DOK7: variants seen among roughly 807,000 people sequenced by gnomAD.
DOK7 encodes docking protein 7.
In DOK7, 32 loss-of-function variants were observed where a neutral mutation model predicts 30.7. The ratio of observed to expected loss-of-function variants is 1.04; its 90% confidence interval spans 0.79 to 1.40. The LOEUF (loss-of-function observed/expected upper bound fraction) is 1.40, where lower values mean the gene tolerates loss of function less well. Ranked by LOEUF, DOK7 falls within the 40% of genes most tolerant of loss-of-function variation. The pLI, the probability that DOK7 is intolerant of heterozygous loss-of-function variation, is 0.00. For synonymous variants in DOK7, 447 were observed against 324.1 expected (o/e 1.38, Z -4.07); for missense variants, 1,007 against 699.2 (o/e 1.44, Z -4.97).
intron 5 of DOK7, 144 bp from the exon 6 acceptor site, chr4:3,489,533 T>C: frequency 7.6e-7 from 1 of 1,323,502 alleles, no homozygotes; most frequent in Non-Finnish European, 1.0e-6. Flanking sequence ...GCCTCTGGGA[T>C]GAGGCATCGG....
intron 4 of DOK7, among the ~76,000 whole-genome samples, chr4:3,482,166 G>C (rs28660595): frequency 0.27 from 41,584 of 151,980 alleles, 7,109 homozygotes; most frequent in African/African-American, 0.48. Flanking sequence ...CCCCTCCACC[G>C]CTTACCCTCT....
downstream of DOK7, among the ~76,000 whole-genome samples, chr4:3,495,953 A>G (rs1213415906): frequency 1.3e-5 from 2 of 152,162 alleles, no homozygotes; most frequent in East Asian, 1.9e-4. Context: ...TCTGCCCTTG[A>G]GTCTGGCCTG....
chr4:3,468,915 A>ATGTGTG (rs141567329), intron 2 of DOK7, among the ~76,000 whole-genome samples: 6 of 137,738 alleles, frequency 4.4e-5, no homozygotes, highest in African/African-American at 1.4e-4. Context: ...CTGTGTGTGT[A>ATGTGTG]TGTGTGTATG....
Position 3,494,107 on chromosome 4 carries a change from T to C in DOK7, c.*606T>C, listed in dbSNP as rs1728747483. 2 of 985,844 alleles carry C rather than the reference T, an allele frequency of 2.0e-6. No individual in the cohort carries two copies. The highest frequency in any genetic ancestry group is 9.4e-5 in the South Asian group (2 of 21,310). The allele number at this position is 985,844 out of a possible 1,614,324, so 61.1% of individuals were successfully genotyped here. A position where few individuals can be genotyped will look rare whatever the true frequency, so the allele number is the denominator to read the frequency against. Reference sequence around the variant, plus strand: ...GGTTCTGGGCCCCACTGTTCCCCAGTGAAGCCCTTGTGGGAAGGTTCCGGG... The same window carrying C: ...GGTTCTGGGCCCCACTGTTCCCCAGCGAAGCCCTTGTGGGAAGGTTCCGGG... On this transcript the variant is annotated 3_prime_UTR_variant, in exon 7 of 7. Transcript: ENST00000340083.
intron 4 of DOK7, 37 bp downstream of exon 4, chr4:3,476,579 G>A (rs1347598487): frequency 6.2e-7 from 1 of 1,611,480 alleles, no homozygotes; most frequent in South Asian, 1.1e-5. Context: ...GGCAGCAGCA[G>A]CACCCCCCAC....
intron 4 of DOK7, among the ~76,000 whole-genome samples, chr4:3,478,607 A>G (rs1727262048): frequency 6.6e-6 from 1 of 152,248 alleles, no homozygotes; most frequent in Non-Finnish European, 1.5e-5. Flanking sequence ...CTGGCCCCAC[A>G]GAACCCGCCT....
chr4:3,489,903 T>C (rs1728090000), intron 6 of DOK7, 107 bp downstream of exon 6: 2 of 1,465,924 alleles, frequency 1.4e-6, no homozygotes, highest in Non-Finnish European at 1.8e-6. Flanking sequence ...CCTCTGCTCA[T>C]TCATTCATTC....
At chr4:3,491,395 TGC>T in intron 6 of DOK7, among the ~76,000 whole-genome samples, 1 of 125,700 alleles carries the variant, frequency 8.0e-6, no homozygotes, top group African/African-American at 2.9e-5. Context: ...CATTCCTTCC[TGC>T]TCACCCCAGC....
intron 6 of DOK7, among the ~76,000 whole-genome samples, chr4:3,490,102 C>G (rs1444467646): frequency 1.7e-5 from 1 of 59,422 alleles, no homozygotes; most frequent in Non-Finnish European, 3.4e-5. Flanking sequence ...TCATTCCTTT[C>G]TTCACCCCCA....
rs1168254985 is a variant in DOK7 at position 3,493,976 on chromosome 4, G to C, written c.*475G>C. 6.1e-6 allele frequency: 6 copies of C among 988,012 alleles called. No individual in the cohort carries two copies. The African/African-American group carries it at 1.1e-4, about 18-fold the overall frequency. 61.2% of individuals were successfully genotyped at this position (988,012 alleles called of 1,614,324 possible). A position where few individuals can be genotyped will look rare whatever the true frequency, so the allele number is the denominator to read the frequency against. On this transcript the variant is annotated 3_prime_UTR_variant, in exon 7 of 7. Transcript: ENST00000340083. ...GCTACCACAGAGGCTCCGGCCACCT[G>C]GGCTCCACCAGCCCAGCCCCCCTGG...
chr4:3,465,686 G>T (rs1034403255), intron 2 of DOK7, among the ~76,000 whole-genome samples: 2 of 152,282 alleles, frequency 1.3e-5, no homozygotes, highest in Admixed American at 1.3e-4. Flanking sequence ...CAGCCACAGC[G>T]CCTGGCATGG....
chr4:3,488,032 T>C (rs540929562), intron 5 of DOK7, among the ~76,000 whole-genome samples: 9 of 152,330 alleles, frequency 5.9e-5, no homozygotes, highest in Non-Finnish European at 1.2e-4. Flanking sequence ...GCAGGCCGTG[T>C]CGGGAGGGAC....
intron 2 of DOK7, among the ~76,000 whole-genome samples, chr4:3,468,847 G>GTC (rs1210997427): frequency 6.6e-6 from 1 of 150,490 alleles, no homozygotes; most frequent in Middle Eastern, 3.4e-3. Context: ...GCGTGTATGT[G>GTC]TGTGCGCGTA....
chr4:3,491,805 T>C (rs1006077573), intron 6 of DOK7, among the ~76,000 whole-genome samples: 6 of 152,152 alleles, frequency 3.9e-5, no homozygotes, highest in Non-Finnish European at 5.9e-5. Flanking sequence ...GTTGCCATTG[T>C]GGGGAGAGGT....
intron 5 of DOK7, among the ~76,000 whole-genome samples, chr4:3,487,721 C>G (rs1378701923): frequency 6.6e-6 from 1 of 152,190 alleles, no homozygotes; most frequent in Non-Finnish European, 1.5e-5. Context: ...GTCTTGCTGG[C>G]CCACCAGTTA....
intron 4 of DOK7, among the ~76,000 whole-genome samples, chr4:3,477,994 C>A (rs1051009303): frequency 6.6e-6 from 1 of 152,132 alleles, no homozygotes; most frequent in African/African-American, 2.4e-5. Flanking sequence ...GCCCAGCGTC[C>A]CTGTCCTTTG....
rs771655572 is a variant in DOK7, at chr4:3,493,890, G to A, written c.*389G>A. 389 of 1,078,868 alleles carry A rather than the reference G, an allele frequency of 3.6e-4. No individual in the cohort carries two copies. Among genetic ancestry groups the A allele is most frequent in the South Asian group, 4.8e-4 (14 of 28,962 alleles). The allele number at this position is 1,078,868 out of a possible 1,614,324, so 66.8% of individuals were successfully genotyped here. A position where few individuals can be genotyped will look rare whatever the true frequency, so the allele number is the denominator to read the frequency against. On this transcript the variant is annotated 3_prime_UTR_variant, in exon 7 of 7. Transcript: ENST00000340083. ...CCTCCTTGGGCCTCACGCCCCCTTC[G>A]GGGGTGGCCGGTTCTCCCCATCACC...
chr4:3,487,984 C>A (rs1021252166), intron 5 of DOK7, among the ~76,000 whole-genome samples: 1 of 152,248 alleles, frequency 6.6e-6, no homozygotes, highest in African/African-American at 2.4e-5. Flanking sequence ...GTGCCAGGAG[C>A]TGCTAAGCCG....
chr4:3,501,021 G>T, exon 8 of DOK7: 1 of 853,082 alleles, frequency 1.2e-6, no homozygotes, highest in Non-Finnish European at 1.7e-6. Context: ...TGCCTCACAG[G>T]TGTCCGGGGC....
Sources: allele counts gnomAD v4.1 joint callset (sites outside exome capture counted in the v4.1 genomes callset), GRCh38; gene constraint gnomAD v4.1.1; transcripts MANE v1.5; gene names NCBI Gene and HGNC (gene_info 2026-07-23, HGNC 2026-07-21).